KHDRBS2: variants seen among roughly 807,000 people sequenced by gnomAD.
KHDRBS2 encodes KH domain-containing, RNA-binding, signal transduction-associated protein 2.
A neutral mutation model predicts 44.3 loss-of-function variants in KHDRBS2; 26 were observed. The ratio of observed to expected loss-of-function variants is 0.59; its 90% confidence interval spans 0.43 to 0.81. The LOEUF is 0.81. Ranked by LOEUF, KHDRBS2 falls within the 40% of genes least tolerant of loss-of-function variation. The pLI is 0.00. For missense variants in KHDRBS2, 476 were observed against 433.1 expected (o/e 1.10, Z -0.88); for synonymous variants, 194 against 151.1 (o/e 1.28, Z -2.08).
rs142656212 is a variant in KHDRBS2, at chr6:61,862,178, G to A, written c.810+32457C>T. On this transcript the variant is annotated intron_variant, in intron 6 of 8. Transcript: ENST00000281156. ...CTTTGCAACCAAAGGTAGTTTGTAA[G>A]CAAAGATAGTTTGACTTCCTCTTTT... is the stretch of plus-strand genomic sequence containing the variant. Among the ~76,000 whole-genome samples, 208 of 152,230 alleles carry A rather than the reference G, an allele frequency of 1.4e-3. 2 individuals carry two copies. Among genetic ancestry groups the A allele is most frequent in the African/African-American group, 4.7e-3 (197 of 41,560 alleles).
At chr6:61,987,892 T>G (rs1430138414) in intron 3 of KHDRBS2, among the ~76,000 whole-genome samples, 1 of 152,174 alleles carries the variant, frequency 6.6e-6, no homozygotes, top group Non-Finnish European at 1.5e-5. Flanking sequence ...CCATCCATAC[T>G]CCAAATGGTC....
downstream of KHDRBS2, among the ~76,000 whole-genome samples, chr6:61,676,593 G>C (rs1357348895): frequency 6.6e-6 from 1 of 151,840 alleles, no homozygotes; most frequent in Non-Finnish European, 1.5e-5. Context: ...GCCTTCCTGT[G>C]AAAGCAATTG....
At chr6:61,856,533 G>A (rs1434171540) in intron 6 of KHDRBS2, among the ~76,000 whole-genome samples, 1 of 150,394 alleles carries the variant, frequency 6.6e-6, no homozygotes, top group African/African-American at 2.4e-5. Context: ...AAATAAAAAT[G>A]CTTGGATTAT....
chr6:61,812,020 C>T (rs1788204261), intron 6 of KHDRBS2, among the ~76,000 whole-genome samples: 1 of 151,898 alleles, frequency 6.6e-6, no homozygotes, highest in South Asian at 2.1e-4. Flanking sequence ...TAATGAAGTT[C>T]ATATCTTTAT....
At position 62,186,488 on chromosome 6, in the gene KHDRBS2, G is replaced by A. The variant is rs181243473; in HGVS notation, c.92-9176C>T. ...CTTACATCTTGTCTTTAAGTAGATT[G>A]TTAATTATTGATGGTATACCCATGA... On this transcript the variant is annotated intron_variant, in intron 1 of 8. Transcript: ENST00000281156. Among the ~76,000 whole-genome samples, 336 of 152,036 alleles carry A rather than the reference G, an allele frequency of 2.2e-3. 1 individual carries two copies. Among genetic ancestry groups the A allele is most frequent in the African/African-American group, 7.9e-3 (326 of 41,526 alleles).
chr6:61,558,792 T>C, the KHDRBS2 span, among the ~76,000 whole-genome samples: 10 of 152,210 alleles, frequency 6.6e-5, no homozygotes, highest in Admixed American at 6.5e-4. Context: ...CTTGACAGAA[T>C]TTCATTATTT....
intron 6 of KHDRBS2, among the ~76,000 whole-genome samples, chr6:61,843,996 C>T (rs1182210686): frequency 6.6e-6 from 1 of 152,066 alleles, no homozygotes; most frequent in East Asian, 1.9e-4. Flanking sequence ...TACTCCATTG[C>T]TCATATTCAC....
intron 3 of KHDRBS2, among the ~76,000 whole-genome samples, chr6:62,019,311 G>A (rs1386412687): frequency 6.6e-6 from 1 of 152,010 alleles, no homozygotes; most frequent in Non-Finnish European, 1.5e-5. Context: ...CAATTTTACT[G>A]AGAATATTTT....
intron 6 of KHDRBS2, among the ~76,000 whole-genome samples, chr6:61,823,128 T>G (rs1436542640): frequency 6.6e-6 from 1 of 152,008 alleles, no homozygotes; most frequent in African/African-American, 2.4e-5. Flanking sequence ...AAGTAAATTC[T>G]ATGTTTCTGA....
intron 1 of KHDRBS2, among the ~76,000 whole-genome samples, chr6:62,183,297 G>A (rs1014133095): frequency 6.6e-6 from 1 of 151,578 alleles, no homozygotes; most frequent in African/African-American, 2.4e-5. Flanking sequence ...GGTTATTTAA[G>A]ATGGATTTTA....
At chr6:62,084,607 C>T (rs188081917) in intron 2 of KHDRBS2, among the ~76,000 whole-genome samples, 71 of 152,090 alleles carry the variant, frequency 4.7e-4, no homozygotes, top group South Asian at 1.5e-3. Context: ...ATGAATAAAA[C>T]GACAAGGTTT....
chr6:61,863,162 G>A (rs1289899491), intron 6 of KHDRBS2, among the ~76,000 whole-genome samples: 2 of 151,296 alleles, frequency 1.3e-5, no homozygotes, highest in South Asian at 4.2e-4. Flanking sequence ...CTTTTTATTT[G>A]AATCTTCTCT....
chr6:62,068,021 T>C lies in KHDRBS2; in HGVS notation c.220-20027A>G, dbSNP rs149810265. ...TTAGAAAATTTTGTGTACAGCTTTTTGTGTGAGTTGAATACTTTTATCTCT... is the reference window on the plus strand; with the variant it reads ...TTAGAAAATTTTGTGTACAGCTTTTCGTGTGAGTTGAATACTTTTATCTCT... On this transcript the variant is annotated intron_variant, in intron 2 of 8. Transcript: ENST00000281156. Among the ~76,000 whole-genome samples, 12 of 151,760 alleles carry C rather than the reference T, an allele frequency of 7.9e-5. No individual in the cohort carries two copies. The East Asian group carries it at 1.6e-3, about 20-fold the overall frequency.
At chr6:61,691,031 C>T (rs1299938950) in intron 8 of KHDRBS2, among the ~76,000 whole-genome samples, 2 of 152,036 alleles carry the variant, frequency 1.3e-5, no homozygotes, top group Non-Finnish European at 1.5e-5. Flanking sequence ...ATGGCTAGTT[C>T]TCATCTCCAA....
the KHDRBS2 span, among the ~76,000 whole-genome samples, chr6:61,650,663 C>T: frequency 1.8e-3 from 268 of 151,670 alleles, 2 homozygotes; most frequent in African/African-American, 6.1e-3. Flanking sequence ...CTATGAATAG[C>T]CCTTGAATGA....
At chr6:61,617,891 A>C in the KHDRBS2 span, among the ~76,000 whole-genome samples, 1 of 152,188 alleles carries the variant, frequency 6.6e-6, no homozygotes, top group Non-Finnish European at 1.5e-5. Context: ...AGAATACTAC[A>C]TAACATAAAA....
chr6:62,091,010 C>G (rs208975), intron 2 of KHDRBS2, among the ~76,000 whole-genome samples: 25,892 of 152,090 alleles, frequency 0.17, 2,538 homozygotes, highest in African/African-American at 0.27. Flanking sequence ...ATGGGTGACA[C>G]TGTAATTGGG....
rs530107936 is a variant in KHDRBS2, at chr6:62,002,156, T to C, written c.337-23944A>G. ...ATTTTGACATTTTAAGCTTCCTTTA[T>C]GGGCATTAAGAAGCATAATCACCAC... On this transcript the variant is annotated intron_variant, in intron 3 of 8. Coordinates refer to ENST00000281156, the MANE Select transcript of KHDRBS2 (RefSeq NM_152688.4). Among the ~76,000 whole-genome samples the C allele has an allele frequency of 4.6e-5, 7 of 151,216 alleles. No individual in the cohort carries two copies. The East Asian group carries it at 1.2e-3, about 25-fold the overall frequency.
At chr6:62,251,211 C>A (rs1292830904) in intron 1 of KHDRBS2, among the ~76,000 whole-genome samples, 3 of 151,518 alleles carry the variant, frequency 2.0e-5, no homozygotes, top group Non-Finnish European at 4.4e-5. Flanking sequence ...AAGTAGCTTT[C>A]ATATTTAGGA....
Sources: gnomAD v4.1 joint callset for allele counts (sites outside exome capture counted in the v4.1 genomes callset) on GRCh38, gnomAD v4.1.1 for gene constraint, MANE v1.5 for transcripts, NCBI Gene and HGNC (gene_info 2026-07-23, HGNC 2026-07-21) for gene names.